The following UBAC2 variants were observed in gnomAD, a reference collection of about 807,000 sequenced individuals.
UBAC2 encodes the protein ubiquitin-associated domain-containing protein 2.
A neutral mutation model predicts 44.0 loss-of-function variants in UBAC2; 26 were observed. The ratio of observed to expected loss-of-function variants is 0.59; its 90% CI spans 0.43 to 0.82. The LOEUF (loss-of-function observed/expected upper bound fraction) is 0.82, where lower values mean the gene tolerates loss of function less well. Among genes scored for constraint, UBAC2 ranks in the 40% least tolerant of loss-of-function variants. The pLI is 0.00. For missense variants in UBAC2, 329 were observed against 419.4 expected (o/e 0.78, Z 1.88); for synonymous variants, 155 against 154.3 (o/e 1.00, Z -0.04).
chr13:99,340,154 T>G (rs1017698728), intron 6 of UBAC2, among the ~76,000 whole-genome samples, 166 bp from the exon 7 acceptor site: 9 of 152,260 alleles, frequency 5.9e-5, no homozygotes, highest in African/African-American at 2.2e-4. Flanking sequence ...TGATTTGCAC[T>G]GCTTAGTGTT....
intron 1 of UBAC2, among the ~76,000 whole-genome samples, chr13:99,231,670 C>CA (rs1198864402): frequency 6.6e-6 from 1 of 152,134 alleles, no homozygotes; most frequent in African/African-American, 2.4e-5. Context: ...CTCGGCCTCC[C>CA]AAAGTGCTGG....
intron 4 of UBAC2, among the ~76,000 whole-genome samples, chr13:99,303,728 A>C (rs1343927486): frequency 6.6e-6 from 1 of 152,118 alleles, no homozygotes; most frequent in Non-Finnish European, 1.5e-5. Flanking sequence ...TTTCTCTTTC[A>C]AGTTCAAGGA....
intron 8 of UBAC2, among the ~76,000 whole-genome samples, chr13:99,373,786 G>A (rs1022678421): frequency 2.0e-5 from 3 of 152,126 alleles, no homozygotes; most frequent in Non-Finnish European, 4.4e-5. Context: ...AGACAGGCTC[G>A]CCAAGGGTCT....
At chr13:99,251,776 A>C (rs951856283) in intron 4 of UBAC2, among the ~76,000 whole-genome samples, 1 of 152,126 alleles carries the variant, frequency 6.6e-6, no homozygotes, top group African/African-American at 2.4e-5. Flanking sequence ...AATCTTGAGC[A>C]AGTTGCTTCT....
At chr13:99,247,861 TTCTC>T (rs756860068) in intron 4 of UBAC2, among the ~76,000 whole-genome samples, 4 of 129,932 alleles carry the variant, frequency 3.1e-5, no homozygotes, top group South Asian at 2.4e-4. Context: ...TCCTATTTAA[TTCTC>T]TCTCTCTCTT....
rs572464006 is a variant in UBAC2 at position 99,326,339 on chromosome 13, C to A, written c.561+8270C>A. On this transcript the variant is annotated intron_variant, in intron 6 of 8. Transcript: ENST00000403766. Reference sequence around the variant, plus strand: ...TACCTATTGGCCATTTGTATGTCTTCTTTGGAGAAATGTCTGTTTAGGTCC... The same window carrying A: ...TACCTATTGGCCATTTGTATGTCTTATTTGGAGAAATGTCTGTTTAGGTCC... 1.3e-5 allele frequency among the ~76,000 whole-genome samples: 2 copies of A among 152,168 alleles called. 1 individual carries two copies. Among genetic ancestry groups the A allele is most frequent in the South Asian group, 4.1e-4 (2 of 4,824 alleles).
intron 4 of UBAC2, among the ~76,000 whole-genome samples, chr13:99,298,063 G>A (rs2044202925): frequency 6.6e-6 from 1 of 152,122 alleles, no homozygotes; most frequent in African/African-American, 2.4e-5. Flanking sequence ...AAATTTGCAT[G>A]TAACAGCAAA....
rs767428640 is a variant in UBAC2 at position 99,255,171 on chromosome 13, G to C, written c.389+10547G>C. 3 of 1,614,098 alleles carry C rather than the reference G, an allele frequency of 1.9e-6. No individual in the cohort carries two copies. The South Asian group carries it at 3.3e-5, about 18-fold the overall frequency. ...CGAGCACCTGCACCAGCAGCGTGAT[G>C]ATGATCCTTATGGACTTCTCCTTGA... On this transcript the variant is annotated intron_variant, in intron 4 of 8. Coordinates refer to ENST00000403766, the MANE Select transcript of UBAC2 (RefSeq NM_001144072.2).
At chr13:99,326,823 A>T (rs1166221433) in intron 6 of UBAC2, among the ~76,000 whole-genome samples, 1 of 152,104 alleles carries the variant, frequency 6.6e-6, no homozygotes, top group Non-Finnish European at 1.5e-5. Flanking sequence ...AGACACAGTT[A>T]TTCTTAAAGT....
chr13:99,292,869 G>T (rs118142402), intron 4 of UBAC2, among the ~76,000 whole-genome samples: 1 of 152,112 alleles, frequency 6.6e-6, no homozygotes, highest in Non-Finnish European at 1.5e-5. Flanking sequence ...CAAACAGTAT[G>T]TTATATAATA....
intron 7 of UBAC2, among the ~76,000 whole-genome samples, chr13:99,345,027 CA>C (rs1566513173): frequency 6.6e-6 from 1 of 151,970 alleles, no homozygotes; most frequent in Non-Finnish European, 1.5e-5. Context: ...CTGATGCTGC[CA>C]AAAAAGATTT....
At chr13:99,268,052 A>C (rs903762531) in intron 4 of UBAC2, among the ~76,000 whole-genome samples, 28 of 152,254 alleles carry the variant, frequency 1.8e-4, no homozygotes, top group African/African-American at 6.0e-4. Flanking sequence ...AGGGGCATGC[A>C]GGAGGAGGGA....
At chr13:99,211,210 C>T (rs1680046079) in intron 1 of UBAC2, among the ~76,000 whole-genome samples, 1 of 152,150 alleles carries the variant, frequency 6.6e-6, no homozygotes, top group Non-Finnish European at 1.5e-5. Flanking sequence ...TGTTATTTTT[C>T]CCCTCCACAA....
chr13:99,371,014 A>G (rs2045398695), intron 8 of UBAC2, among the ~76,000 whole-genome samples: 1 of 152,248 alleles, frequency 6.6e-6, no homozygotes, highest in Non-Finnish European at 1.5e-5. Context: ...TTGATACAGC[A>G]GTGAGTCACA....
intron 7 of UBAC2, among the ~76,000 whole-genome samples, chr13:99,349,559 C>G (rs934844913): frequency 2.0e-5 from 3 of 152,188 alleles, no homozygotes; most frequent in Non-Finnish European, 4.4e-5. Flanking sequence ...GGTGAATCTT[C>G]TAAGTGATTG....
At chr13:99,279,113 C>T (rs1428797135) in intron 4 of UBAC2, among the ~76,000 whole-genome samples, 2 of 152,156 alleles carry the variant, frequency 1.3e-5, no homozygotes, top group East Asian at 1.9e-4. Context: ...ACCTCCCTCT[C>T]GGCTTGCCAC....
intron 1 of UBAC2, among the ~76,000 whole-genome samples, chr13:99,202,828 A>T (rs1322242200): frequency 6.6e-6 from 1 of 152,266 alleles, no homozygotes; most frequent in East Asian, 1.9e-4. Context: ...CATTTTGGGC[A>T]TCTCCTCTGG....
intron 7 of UBAC2, among the ~76,000 whole-genome samples, chr13:99,362,200 C>T (rs2138882577): frequency 1.3e-5 from 2 of 152,154 alleles, no homozygotes; most frequent in South Asian, 4.2e-4. Flanking sequence ...GAGATTTACC[C>T]ATGTAAATCT....
intron 7 of UBAC2, among the ~76,000 whole-genome samples, chr13:99,358,831 G>A (rs966821863): frequency 6.6e-6 from 1 of 152,132 alleles, no homozygotes; most frequent in Non-Finnish European, 1.5e-5. Flanking sequence ...CAAGAGATAT[G>A]GGGTGGGAGA....
Sources: allele counts gnomAD v4.1 joint callset (sites outside exome capture counted in the v4.1 genomes callset), GRCh38; gene constraint gnomAD v4.1.1; transcripts MANE v1.5; gene names NCBI Gene and HGNC (gene_info 2026-07-23, HGNC 2026-07-21).